Variants in ZNF718 observed in about 807,000 individuals in gnomAD.
ZNF718 encodes zinc finger protein 718.
A neutral mutation model predicts 2.6 loss-of-function variants in ZNF718; 3 were observed. The ratio of observed to expected loss-of-function variants is 1.16; its 90% confidence interval spans 0.53 to 3.01. ZNF718 has a LOEUF of 3.01. ZNF718 is among the 30% of genes most tolerant of loss of function. The pLI, the probability that ZNF718 is intolerant of heterozygous loss-of-function variation, is 0.03. For missense variants in ZNF718, 468 were observed against 230.0 expected (o/e 2.03, Z -6.69); for synonymous variants, 135 against 77.9 (o/e 1.73, Z -3.86).
At chr4:145,630 G>A (rs1297735335) in intron 3 of ZNF718, among the ~76,000 whole-genome samples, 1 of 151,698 alleles carries the variant, frequency 6.6e-6, no homozygotes, top group Non-Finnish European at 1.5e-5. Context: ...ACTTTTTTTT[G>A]TACTTTATAT....
chr4:186,202 T>G (rs1202045081), intron 3 of ZNF718, among the ~76,000 whole-genome samples: 2 of 152,128 alleles, frequency 1.3e-5, no homozygotes, highest in African/African-American at 4.8e-5. Context: ...CCCTCAGTAT[T>G]TGCTTGTCTG....
chr4:200,291 C>T (rs1438643671), intron 3 of ZNF718, among the ~76,000 whole-genome samples: 1 of 152,164 alleles, frequency 6.6e-6, no homozygotes, highest in Non-Finnish European at 1.5e-5. Context: ...GAGACAGAGT[C>T]ACGCACTGTA....
intron 3 of ZNF718, among the ~76,000 whole-genome samples, chr4:174,346 A>G (rs1581475301): frequency 6.6e-6 from 1 of 152,182 alleles, no homozygotes; most frequent in Non-Finnish European, 1.5e-5. Context: ...CTCACAAGAA[A>G]AAGAAATGGG....
Position 131,425 on chromosome 4 carries a change from AC to A in ZNF718, c.149del (p.Pro50GlnfsTer16). On this transcript the variant is annotated frameshift_variant, in exon 3 of 4. Coordinates refer to ENST00000510175, the MANE Select transcript of ZNF718 (RefSeq NM_001039127.6). LOFTEE classifies it high-confidence loss of function. ...NLVSLGVSIS[N>X]PDLVTSLEQR... ...AATAAAACAGGTGTTAGTATCTCTA[AC>A]CCAGACCTGGTCACCAGTCTGGAGC... The A allele has an allele frequency of 1.9e-6, 1 of 518,178 alleles. No individual in the cohort carries two copies. The highest frequency in any genetic ancestry group is 3.0e-6 in the Non-Finnish European group (1 of 331,874). The allele number at this position is 518,178 out of a possible 1,614,324, so 32.1% of individuals were successfully genotyped here. A position where few individuals can be genotyped will look rare whatever the true frequency, so the allele number is the denominator to read the frequency against.
At chr4:173,865 G>A (rs888979406) in intron 3 of ZNF718, among the ~76,000 whole-genome samples, 1 of 152,152 alleles carries the variant, frequency 6.6e-6, no homozygotes, top group African/African-American at 2.4e-5. Context: ...GCAGCTAGGG[G>A]ACTGTACCAC....
chr4:166,826 C>A (rs1434203065), downstream of ZNF718, among the ~76,000 whole-genome samples: 34 of 152,064 alleles, frequency 2.2e-4, no homozygotes, highest in African/African-American at 8.0e-4. Context: ...ATGGTAGTTT[C>A]TTTTGCTGTG....
chr4:158,401 ATAT>A (rs1403504525), intron 3 of ZNF718, among the ~76,000 whole-genome samples: 1 of 151,668 alleles, frequency 6.6e-6, no homozygotes, highest in Non-Finnish European at 1.5e-5. Context: ...AGGCTTACTA[ATAT>A]TATTTTATTG....
At position 154,965 on chromosome 4, in the gene ZNF718, G is replaced by A. The variant is rs139621629; in HGVS notation, c.227-5947G>A. ...GGGCCTAGGCCCCCCTTCCTAGGGC[G>A]TTGGTGCCCTGTGTCCCAGCTACTC... On this transcript the variant is annotated intron_variant, in intron 3 of 3. Transcript: ENST00000510175. 1.9e-4 allele frequency among the ~76,000 whole-genome samples: 29 copies of A among 152,280 alleles called. No individual in the cohort carries two copies. The East Asian group carries it at 2.3e-3, about 12-fold the overall frequency.
intron 3 of ZNF718, among the ~76,000 whole-genome samples, chr4:188,509 CTGCTCA>C (rs1651176239): frequency 1.3e-5 from 2 of 152,150 alleles, no homozygotes; most frequent in African/African-American, 2.4e-5. Flanking sequence ...CAGACTGTTG[CTGCTCA>C]TCCCCCTGGA....
chr4:153,882 G>A (rs1553813109), intron 3 of ZNF718, among the ~76,000 whole-genome samples: 2 of 152,186 alleles, frequency 1.3e-5, no homozygotes, highest in Non-Finnish European at 2.9e-5. Flanking sequence ...AGACAAGGAT[G>A]TTATTTGATA....
chr4:178,379 TTC>T (rs1205627760), intron 3 of ZNF718, among the ~76,000 whole-genome samples: 1 of 152,088 alleles, frequency 6.6e-6, no homozygotes, highest in Non-Finnish European at 1.5e-5. Flanking sequence ...GCTCAGATAA[TTC>T]TCTCACCTCA....
rs1228901567 is a variant in ZNF718 at position 132,178 on chromosome 4, C to T, written c.226+673C>T. On this transcript the variant is annotated intron_variant, in intron 3 of 3. Coordinates refer to ENST00000510175, the MANE Select transcript of ZNF718 (RefSeq NM_001039127.6). ...ACCCAGGAGGCAGAGGTTGTGATTG[C>T]GCCACTGCACTCCCTCCTGGGCAAT... Among the ~76,000 whole-genome samples the T allele has an allele frequency of 1.4e-4, 14 of 98,682 alleles. 4 individuals carry two copies. The highest frequency in any genetic ancestry group is 3.2e-4 in the African/African-American group (9 of 28,398). 64.7% of individuals were successfully genotyped at this position (98,682 alleles called of 152,430 possible).
At chr4:160,083 T>C (rs1414191434) in intron 3 of ZNF718, among the ~76,000 whole-genome samples, 1 of 152,242 alleles carries the variant, frequency 6.6e-6, no homozygotes, top group Non-Finnish European at 1.5e-5. Context: ...TTAGCACTGC[T>C]GTCTGCTCAT....
chr4:131,491 C>A lies in ZNF718; in HGVS notation c.212C>A (p.Ala71Glu). The A allele has an allele frequency of 2.1e-6, 1 of 469,820 alleles. No homozygotes were observed. 29.1% of individuals were successfully genotyped at this position (469,820 alleles called of 1,614,324 possible). The change falls in exon 3 of 4, where the codon GCA (alanine) becomes GAA (glutamate). Residue 71 changes from alanine to glutamate, a missense_variant. Coordinates refer to ENST00000510175, the MANE Select transcript of ZNF718 (RefSeq NM_001039127.6). ...EPYNLKIHET[A>E]ARPPAVCSHF... ...TACAATTTGAAGATACATGAAACAG[C>A]AGCCAGACCCCCAGGTAGGTGAGAG...
intron 3 of ZNF718, among the ~76,000 whole-genome samples, 195 bp from the exon 4 acceptor site, chr4:160,716 AT>A (rs1198664508): frequency 6.6e-6 from 1 of 151,544 alleles, no homozygotes; most frequent in Non-Finnish European, 1.5e-5. Context: ...TTCCCAGCAC[AT>A]TTTTTTTGTA....
chr4:173,035 C>T (rs1404701670), intron 3 of ZNF718, among the ~76,000 whole-genome samples: 1 of 151,938 alleles, frequency 6.6e-6, no homozygotes, highest in Non-Finnish European at 1.5e-5. Flanking sequence ...CAGAGTGAGA[C>T]TCCATCTTAA....
intron 1 of ZNF718, chr4:125,279 A>C (rs556581531): frequency 6.5e-6 from 1 of 153,144 alleles, no homozygotes; most frequent in Non-Finnish European, 1.5e-5. Flanking sequence ...CGGTGCGCAC[A>C]GCGCTTCTCT....
intron 3 of ZNF718, among the ~76,000 whole-genome samples, chr4:147,037 C>G (rs1716097853): frequency 6.6e-6 from 1 of 152,076 alleles, no homozygotes; most frequent in Admixed American, 6.6e-5. Context: ...GTGGGGTGAT[C>G]TTGACTCACT....
At chr4:153,040 TGG>T (rs1716401299) in intron 3 of ZNF718, among the ~76,000 whole-genome samples, 1 of 150,376 alleles carries the variant, frequency 6.6e-6, no homozygotes, top group Admixed American at 6.7e-5. Context: ...TTTATATGTT[TGG>T]GTTTCCCAAA....
Sources: allele counts gnomAD v4.1 joint callset (sites outside exome capture counted in the v4.1 genomes callset), GRCh38; gene constraint gnomAD v4.1.1; transcripts MANE v1.5; gene names NCBI Gene and HGNC (gene_info 2026-07-23, HGNC 2026-07-21).